CYRIB: variants seen among roughly 807,000 people sequenced by gnomAD.
CYRIB encodes CYFIP-related Rac1 interactor B.
CYRIB carries 8 observed loss-of-function variants against 44.2 expected under a neutral mutation model. That is an observed-to-expected ratio of 0.18 (90% CI 0.11 to 0.33). The LOEUF is 0.33. Among genes scored for constraint, CYRIB ranks in the 10% least tolerant of loss-of-function variants. The probability of loss-of-function intolerance (pLI) is 1.00; values close to 1 mark genes in which losing one functional copy is unlikely to be tolerated. For synonymous variants in CYRIB, 131 were observed against 127.2 expected, an observed-to-expected ratio of 1.03 and a Z score of -0.20; for missense variants, 185 against 382.8, an observed-to-expected ratio of 0.48 and a Z score of 4.31.
intron 2 of CYRIB, among the ~76,000 whole-genome samples, chr8:129,960,905 A>C (rs2095216797): frequency 6.7e-6 from 1 of 149,954 alleles, no homozygotes. Flanking sequence ...AGCCAAGATC[A>C]TGCCACTGCA....
At chr8:129,988,301 A>C (rs902729455) in intron 1 of CYRIB, among the ~76,000 whole-genome samples, 2 of 152,114 alleles carry the variant, frequency 1.3e-5, no homozygotes, top group African/African-American at 4.8e-5. Context: ...CACGCTGCTG[A>C]CGCAAGTAGC....
At chr8:129,844,701 C>T (rs2038770238) in intron 11 of CYRIB, among the ~76,000 whole-genome samples, 1 of 152,110 alleles carries the variant, frequency 6.6e-6, no homozygotes, top group South Asian at 2.1e-4. Flanking sequence ...CAAACATATA[C>T]ATACATATGG....
At chr8:129,923,000 T>G (rs2084701235) in intron 1 of CYRIB, among the ~76,000 whole-genome samples, 1 of 143,778 alleles carries the variant, frequency 7.0e-6, no homozygotes, top group Non-Finnish European at 1.5e-5. Flanking sequence ...AAGGCAGGGG[T>G]GGGCGGATCA....
intron 1 of CYRIB, among the ~76,000 whole-genome samples, chr8:130,010,140 C>CA: frequency 6.6e-6 from 1 of 152,332 alleles, no homozygotes; most frequent in South Asian, 2.1e-4. Flanking sequence ...TAGTCTCTGG[C>CA]ATGGTTTATG....
chr8:129,916,154 T>G (rs1011869998), intron 1 of CYRIB, among the ~76,000 whole-genome samples: 3 of 152,208 alleles, frequency 2.0e-5, no homozygotes, highest in African/African-American at 7.2e-5. Flanking sequence ...TCTTCTGAAA[T>G]GAAATTCTAT....
At chr8:129,857,790 CTAAG>C (rs966692293) in intron 5 of CYRIB, among the ~76,000 whole-genome samples, 14 of 152,218 alleles carry the variant, frequency 9.2e-5, no homozygotes, top group African/African-American at 2.9e-4. Context: ...AACTGGAAAA[CTAAG>C]TAAGAGAGAC....
intron 2 of CYRIB, among the ~76,000 whole-genome samples, chr8:129,894,073 TCTA>T (rs1304254126): frequency 2.0e-5 from 3 of 152,246 alleles, no homozygotes; most frequent in Non-Finnish European, 2.9e-5. Context: ...TATTCATTCC[TCTA>T]CTGATTGACA....
chr8:129,976,802 G>T (rs1011106331), intron 1 of CYRIB, among the ~76,000 whole-genome samples: 2 of 151,988 alleles, frequency 1.3e-5, no homozygotes, highest in African/African-American at 4.8e-5. Context: ...AAGAGTTTTT[G>T]TGTGTGTGTT....
chr8:129,904,746 T>A (rs2074325732), intron 1 of CYRIB, among the ~76,000 whole-genome samples, 161 bp from the exon 3 acceptor site: 1 of 152,172 alleles, frequency 6.6e-6, no homozygotes, highest in Non-Finnish European at 1.5e-5. Flanking sequence ...ACCCAAACTC[T>A]CACTACCTAA....
chr8:129,866,020 T>C (rs2053345981), intron 4 of CYRIB, among the ~76,000 whole-genome samples: 1 of 152,164 alleles, frequency 6.6e-6, no homozygotes, highest in South Asian at 2.1e-4. Flanking sequence ...GCCTTACAAA[T>C]AAAAACATCT....
intron 11 of CYRIB, among the ~76,000 whole-genome samples, chr8:129,842,888 T>C (rs548951933): frequency 6.6e-6 from 1 of 152,350 alleles, no homozygotes; most frequent in South Asian, 2.1e-4. Flanking sequence ...TTAAGATGCC[T>C]CAATTACTAC....
chr8:129,940,425 G>A (rs2093600579), upstream of CYRIB, among the ~76,000 whole-genome samples: 1 of 152,154 alleles, frequency 6.6e-6, no homozygotes, highest in African/African-American at 2.4e-5. Flanking sequence ...GGTGAAAAAT[G>A]ATCATTCTGA....
At chr8:129,857,747 CTTCTCCCAAGATTCA>C (rs1404305306) in intron 5 of CYRIB, among the ~76,000 whole-genome samples, 1 of 152,164 alleles carries the variant, frequency 6.6e-6, no homozygotes, top group Non-Finnish European at 1.5e-5. Context: ...AAATGGTTTA[CTTCTCCCAAGATTCA>C]TTCTTTCTGT....
intron 2 of CYRIB, chr8:129,901,555 G>A (rs929835302): frequency 6.6e-6 from 1 of 152,134 alleles, no homozygotes; most frequent in Admixed American, 6.6e-5. Flanking sequence ...GAAAAACTAC[G>A]CTTACTGAAG....
intron 1 of CYRIB, among the ~76,000 whole-genome samples, chr8:129,916,411 T>TA (rs879652747): frequency 1.9e-3 from 270 of 144,358 alleles, no homozygotes; most frequent in African/African-American, 2.0e-3. Flanking sequence ...ACTGCTCTAT[T>TA]AAAAAAAAAA....
At chr8:129,940,074 G>T (rs1048317321), upstream of CYRIB, among the ~76,000 whole-genome samples, 6 of 152,176 alleles carry the variant, frequency 3.9e-5, no homozygotes, top group African/African-American at 1.4e-4. Flanking sequence ...CAGCACCTTC[G>T]CAAATATCGC....
intron 1 of CYRIB, among the ~76,000 whole-genome samples, chr8:130,000,589 G>A (rs1248966729): frequency 6.6e-6 from 1 of 152,106 alleles, no homozygotes; most frequent in Non-Finnish European, 1.5e-5. Flanking sequence ...GCTACTCAGA[G>A]GCTGAGGCAC....
intron 2 of CYRIB, among the ~76,000 whole-genome samples, chr8:129,967,531 C>A (rs1211153100): frequency 6.6e-6 from 1 of 152,094 alleles, no homozygotes; most frequent in African/African-American, 2.4e-5. Flanking sequence ...AGGCGCCTGC[C>A]ACCATGCCCG....
At chr8:129,919,457 G>A (rs1284712654) in intron 1 of CYRIB, among the ~76,000 whole-genome samples, 1 of 152,114 alleles carries the variant, frequency 6.6e-6, no homozygotes, top group Admixed American at 6.5e-5. Context: ...CCCTCATAAA[G>A]CTCATAGTCT....
Sources: gnomAD v4.1 joint callset for allele counts (sites outside exome capture counted in the v4.1 genomes callset) on GRCh38, gnomAD v4.1.1 for gene constraint, MANE v1.5 for transcripts, NCBI Gene and HGNC (gene_info 2026-07-23, HGNC 2026-07-21) for gene names.